Variants in N4BP2L1 observed in about 807,000 individuals in gnomAD.
N4BP2L1 encodes NEDD4 binding protein 2 like 1, also known as NEDD4-binding protein 2-like 1.
A neutral mutation model predicts 21.2 loss-of-function variants in N4BP2L1; 12 were observed. The observed-to-expected ratio is 0.57, with a 90% CI of 0.36 to 0.92. The LOEUF is 0.92. Among genes scored for constraint, N4BP2L1 ranks in the 40% least tolerant of loss-of-function variants. N4BP2L1 has a pLI of 0.01. For synonymous variants in N4BP2L1, 104 were observed against 112.8 expected (o/e 0.92, Z 0.49); for missense variants, 259 against 310.6 (o/e 0.83, Z 1.25).
chr13:32,426,595 C>T lies in N4BP2L1; in HGVS notation c.179+1309G>A, dbSNP rs1234040025. 2.0e-5 allele frequency among the ~76,000 whole-genome samples: 3 copies of T among 152,214 alleles called. No homozygotes were observed. The East Asian group carries it at 5.8e-4, about 29-fold the overall frequency. On this transcript the variant is annotated intron_variant, in intron 1 of 4. Coordinates refer to ENST00000380130, the MANE Select transcript of N4BP2L1 (RefSeq NM_052818.3). The stretch of plus-strand genomic sequence containing the variant: ...GGAGCACCTCCCCAGGCTGTCCCTC[C>T]TCCTAAGGTCACTATCTCGGCACCA...
intron 1 of N4BP2L1, chr13:32,419,412 ATTTTTTTTTTT>A (rs71071039): frequency 2.7e-3 from 754 of 284,244 alleles, no homozygotes; most frequent in Non-Finnish European, 3.4e-3. Flanking sequence ...TGCTTGGCTA[ATTTTTTTTTTT>A]TTTTTTTTTT....
rs767352043 is a variant in N4BP2L1 at position 32,407,731 on chromosome 13, G to A, written c.221C>T (p.Thr74Met). ...ATCTTCCCTGAAGAAAAAATCATCC[G>A]TGCTGAAAATCAGGGCCCTGGGAAA... Reference protein sequence around the residue: ...HDFPRALIFSTDDFFFREDGA... With the variant: ...HDFPRALIFSMDDFFFREDGA... The change falls in exon 2 of 5, where the codon ACG becomes ATG. Residue 74 changes from threonine to methionine, a missense_variant. By Grantham distance (81) the Thr-to-Met change is moderately conservative. This residue lies in a region of N4BP2L1 where 91 missense variants were observed against 148.1 expected (regional missense o/e 0.61). Coordinates refer to ENST00000380130, the MANE Select transcript of N4BP2L1 (RefSeq NM_052818.3). The A allele has an allele frequency of 3.7e-6, 6 of 1,607,066 alleles. No homozygotes were observed. The Middle Eastern group carries it at 5.0e-4, about 133-fold the overall frequency.
chr13:32,403,893 A>G, intron 4 of N4BP2L1: 1 of 476,824 alleles, frequency 2.1e-6, no homozygotes, highest in East Asian at 4.5e-5. Context: ...TCAACAAGTT[A>G]GTATTATTTG....
At chr13:32,427,676 C>T (rs922129660) in intron 1 of N4BP2L1, among the ~76,000 whole-genome samples, 6 of 152,052 alleles carry the variant, frequency 3.9e-5, no homozygotes, top group Admixed American at 1.3e-4. Flanking sequence ...TCCGTGCCCG[C>T]GCCCTCAGGC....
Position 32,427,926 on chromosome 13 carries a change from A to G in N4BP2L1, c.157T>C (p.Ser53Pro). ...HLYLLRGLPGSGKTTLARQLQ... is the reference protein window; with the variant it reads ...HLYLLRGLPGPGKTTLARQLQ... Reference sequence around the variant, plus strand: ...TACCTGGCCAGTGTAGTTTTCCCGGAGCCCGGGAGGCCTCGCAGGAGGTAG... The same window carrying G: ...TACCTGGCCAGTGTAGTTTTCCCGGGGCCCGGGAGGCCTCGCAGGAGGTAG... Residue 53 changes from serine to proline, a missense_variant, in exon 1 of 5, where the codon TCC (serine) becomes CCC (proline). By Grantham distance (74) the Ser-to-Pro change is moderately conservative. Transcript: ENST00000380130. 1.3e-6 allele frequency: 2 copies of G among 1,520,858 alleles called. No individual in the cohort carries two copies. The highest frequency in any genetic ancestry group is 8.8e-7 in the Non-Finnish European group (1 of 1,133,112). 94.2% of individuals were successfully genotyped at this position (1,520,858 alleles called of 1,614,324 possible). A position where few individuals can be genotyped will look rare whatever the true frequency, so the allele number is the denominator to read the frequency against.
In N4BP2L1 at chr13:32,402,806, A is replaced by G; in HGVS notation, c.*136T>C. 3 of 1,418,500 alleles carry G rather than the reference A, an allele frequency of 2.1e-6. No homozygotes were observed. The highest frequency in any genetic ancestry group is 2.8e-6 in the Non-Finnish European group (3 of 1,083,556). The allele number at this position is 1,418,500 out of a possible 1,614,324, so 87.9% of individuals were successfully genotyped here. A position where few individuals can be genotyped will look rare whatever the true frequency, so the allele number is the denominator to read the frequency against. On this transcript the variant is annotated 3_prime_UTR_variant, in exon 5 of 5. Transcript: ENST00000380130. Reference sequence around the variant, plus strand: ...AAATTTTGGTGAAGAAAGTGAATATAATGACTTTGCTCAGAAACTTTTGAG... The same window carrying G: ...AAATTTTGGTGAAGAAAGTGAATATGATGACTTTGCTCAGAAACTTTTGAG...
Position 32,401,092 on chromosome 13 carries a change from T to TAA in N4BP2L1, c.*1848_*1849dup, listed in dbSNP as rs2073105645. ...CTTAACCCAAGTGAGCCAAAAACCC[T>TAA]AAAGCAGGGAGCCAGCCAAGTCAGG... On this transcript the variant is annotated 3_prime_UTR_variant, in exon 5 of 5. Transcript: ENST00000380130. 1 of 152,110 alleles carries TAA rather than the reference T, an allele frequency of 6.6e-6. No homozygotes were observed. The highest frequency in any genetic ancestry group is 2.4e-5 in the African/African-American group (1 of 41,402). 9.4% of individuals were successfully genotyped at this position (152,110 alleles called of 1,614,324 possible).
rs906983814 is a variant in N4BP2L1 at position 32,411,475 on chromosome 13, T to C, written c.180-3703A>G. 9 of 971,930 alleles carry C rather than the reference T, an allele frequency of 9.3e-6. No homozygotes were observed. The African/African-American group carries it at 1.6e-4, about 17-fold the overall frequency. 60.2% of individuals were successfully genotyped at this position (971,930 alleles called of 1,614,324 possible). A position where few individuals can be genotyped will look rare whatever the true frequency, so the allele number is the denominator to read the frequency against. On this transcript the variant is annotated intron_variant, in intron 1 of 4. Coordinates refer to ENST00000380130, the MANE Select transcript of N4BP2L1 (RefSeq NM_052818.3). The stretch of plus-strand genomic sequence containing the variant: ...AAACTCTACTAGCTAAATAAAGAAC[T>C]GATTAAATAGACAATCTTGAGATTC...
At chr13:32,412,005 C>G (rs1475904986) in intron 1 of N4BP2L1, 1 of 152,878 alleles carries the variant, frequency 6.5e-6, no homozygotes, top group Non-Finnish European at 1.5e-5. Flanking sequence ...TTGCATCAGT[C>G]ACTCCATCAG....
intron 1 of N4BP2L1, among the ~76,000 whole-genome samples, chr13:32,422,382 C>A (rs1332623976): frequency 6.6e-6 from 1 of 152,142 alleles, no homozygotes; most frequent in Admixed American, 6.5e-5. Flanking sequence ...AGAACACATC[C>A]CTTTGACCCT....
intron 4 of N4BP2L1, 66 bp downstream of exon 4, chr13:32,404,255 T>C: frequency 6.3e-7 from 1 of 1,588,134 alleles, no homozygotes. Flanking sequence ...AAGATTCTTT[T>C]GTTCGGTCTG....
chr13:32,418,829 G>T (rs962552226), intron 1 of N4BP2L1, among the ~76,000 whole-genome samples: 7 of 152,222 alleles, frequency 4.6e-5, no homozygotes, highest in African/African-American at 1.7e-4. Context: ...CTTGCATGGG[G>T]CCTATAGCCT....
Position 32,407,698 on chromosome 13 carries a change from T to C in N4BP2L1, c.254A>G (p.Tyr85Cys). 4.3e-6 allele frequency: 7 copies of C among 1,613,842 alleles called. No individual in the cohort carries two copies. Among genetic ancestry groups the C allele is most frequent in the Non-Finnish European group, 5.9e-6 (7 of 1,179,906 alleles). ...DDFFFREDGA[Y>C]EFNPDFLEEA... ...CTCCAGGAAGTCAGGATTGAACTCA[T>C]AGGCACCATCTTCCCTGAAGAAAAA... Residue 85 changes from tyrosine to cysteine, a missense_variant, in exon 2 of 5, where the codon TAT becomes TGT. By Grantham distance (194) the Tyr-to-Cys change is radical. Coordinates refer to ENST00000380130, the MANE Select transcript of N4BP2L1 (RefSeq NM_052818.3).
At chr13:32,413,461 A>G (rs796748535) in intron 1 of N4BP2L1, among the ~76,000 whole-genome samples, 4 of 152,324 alleles carry the variant, frequency 2.6e-5, no homozygotes, top group African/African-American at 9.6e-5. Flanking sequence ...AAAGCAAAGT[A>G]CAGAGGTGAT....
At chr13:32,415,755 C>T (rs1179704637) in intron 1 of N4BP2L1, among the ~76,000 whole-genome samples, 2 of 152,032 alleles carry the variant, frequency 1.3e-5, no homozygotes, top group East Asian at 3.9e-4. Flanking sequence ...GAAATAATAA[C>T]ACACCTGCAT....
chr13:32,428,901 A>T (rs2074926042), upstream of N4BP2L1, among the ~76,000 whole-genome samples: 1 of 152,266 alleles, frequency 6.6e-6, no homozygotes, highest in African/African-American at 2.4e-5. Context: ...TCTCAGTTCC[A>T]GGAACTAGGG....
chr13:32,419,413 T>G (rs749782486), intron 1 of N4BP2L1: 2 of 12,078 alleles, frequency 1.7e-4, no homozygotes, highest in South Asian at 2.5e-3. Context: ...GCTTGGCTAA[T>G]TTTTTTTTTT....
chr13:32,410,172 G>A (rs1433694032), intron 1 of N4BP2L1, among the ~76,000 whole-genome samples: 2 of 152,262 alleles, frequency 1.3e-5, no homozygotes, highest in Non-Finnish European at 2.9e-5. Context: ...CTTGCCCGGG[G>A]TCCCTGCGGC....
At chr13:32,417,289 G>A (rs206323) in intron 1 of N4BP2L1, among the ~76,000 whole-genome samples, 55,326 of 152,014 alleles carry the variant, frequency 0.36, 11,226 homozygotes, top group East Asian at 0.68. Flanking sequence ...TGTCATGGGA[G>A]GGACCTAGTG....
Sources: gnomAD v4.1 joint callset for allele counts (sites outside exome capture counted in the v4.1 genomes callset) on GRCh38, gnomAD v4.1.1 for gene constraint, gnomAD v4.1.1 regional missense constraint, MANE v1.5 for transcripts, NCBI Gene and HGNC (gene_info 2026-07-23, HGNC 2026-07-21) for gene names.